CLRN1: variants seen among roughly 807,000 people sequenced by gnomAD.
The protein encoded by CLRN1 is clarin 1, also known as clarin-1.
A neutral mutation model predicts 18.7 loss-of-function variants in CLRN1; 15 were observed. That is an observed-to-expected ratio of 0.80 (90% CI 0.54 to 1.23). The LOEUF is 1.23. Ranked by LOEUF, CLRN1 falls within the 50% of genes most tolerant of loss-of-function variation. The probability of loss-of-function intolerance (pLI) is 0.00; values close to 1 mark genes in which losing one functional copy is unlikely to be tolerated. For synonymous variants in CLRN1, 104 were observed against 102.9 expected, an observed-to-expected ratio of 1.01 and a Z score of -0.07; for missense variants, 311 against 277.5, an observed-to-expected ratio of 1.12 and a Z score of -0.86.
chr3:150,957,741 C>T (rs999429960), intron 1 of CLRN1, among the ~76,000 whole-genome samples: 1 of 152,176 alleles, frequency 6.6e-6, no homozygotes, highest in Non-Finnish European at 1.5e-5. Context: ...TCACTGCAAC[C>T]TCTGCCTCCC....
chr3:150,954,134 C>T (rs574847852), intron 1 of CLRN1, among the ~76,000 whole-genome samples: 2 of 152,306 alleles, frequency 1.3e-5, no homozygotes, highest in African/African-American at 4.8e-5. Flanking sequence ...TTCCCCACCC[C>T]TACCAGGAAG....
intron 1 of CLRN1, among the ~76,000 whole-genome samples, chr3:150,966,949 G>A (rs1193254922): frequency 6.6e-6 from 1 of 152,188 alleles, no homozygotes; most frequent in Non-Finnish European, 1.5e-5. Flanking sequence ...TTTAAACGGT[G>A]AGAGATGTCA....
At chr3:150,972,403 C>T (rs1287700761) in intron 1 of CLRN1, 53 bp downstream of exon 1, 4 of 1,613,198 alleles carry the variant, frequency 2.5e-6, no homozygotes, top group Non-Finnish European at 3.4e-6. Flanking sequence ...CCTCGCAACA[C>T]TGGGAAGAGT....
chr3:150,947,088 C>T (rs563998634), intron 1 of CLRN1, among the ~76,000 whole-genome samples: 24 of 151,934 alleles, frequency 1.6e-4, no homozygotes, highest in South Asian at 8.3e-4. Flanking sequence ...GTTGTGGTTG[C>T]GCTTTTAAAA....
chr3:150,969,755 A>G (rs927830907), intron 1 of CLRN1, among the ~76,000 whole-genome samples: 2 of 152,144 alleles, frequency 1.3e-5, no homozygotes, highest in South Asian at 2.1e-4. Context: ...GACAACACAA[A>G]GAAAACTTGC....
At chr3:150,940,367 G>T in intron 2 of CLRN1, 1 of 886,428 alleles carries the variant, frequency 1.1e-6, no homozygotes, top group Non-Finnish European at 1.6e-6. Flanking sequence ...TACACTGCAA[G>T]TGACCTCCTG....
intron 2 of CLRN1, among the ~76,000 whole-genome samples, chr3:150,930,669 G>C (rs1367055520): frequency 6.6e-6 from 1 of 152,074 alleles, no homozygotes; most frequent in Non-Finnish European, 1.5e-5. Flanking sequence ...TTCGAAAATT[G>C]TGGAGAAAAT....
Position 150,928,646 on chromosome 3 carries a change from A to G in CLRN1, c.434-445T>C, listed in dbSNP as rs373859346. On this transcript the variant is annotated intron_variant, in intron 2 of 2. Transcript: ENST00000327047. ...CATGCAGGATAAATGTCAATCATGC[A>G]GCCTCTTGTGAAAGGCCCCAGCCTC... Among the ~76,000 whole-genome samples the G allele has an allele frequency of 1.3e-4, 20 of 152,370 alleles. No homozygotes were observed. The East Asian group carries it at 2.9e-3, about 22-fold the overall frequency.
At position 150,927,750 on chromosome 3, in the gene CLRN1, T is replaced by C; in HGVS notation, c.*186A>G. 1.2e-6 allele frequency: 1 copy of C among 851,098 alleles called. No homozygotes were observed. The highest frequency in any genetic ancestry group is 1.9e-6 in the Non-Finnish European group (1 of 525,050). 52.7% of individuals were successfully genotyped at this position (851,098 alleles called of 1,614,324 possible). On this transcript the variant is annotated 3_prime_UTR_variant, in exon 3 of 3. Coordinates refer to ENST00000327047, the MANE Select transcript of CLRN1 (RefSeq NM_174878.3). ...AATTTCCCACCAGATAAAACAACTT[T>C]TCAAAGCCTTCCTTCTGCTTCCCTT...
intron 1 of CLRN1, chr3:150,943,670 G>A (rs1052982942): frequency 8.0e-7 from 1 of 1,251,064 alleles, no homozygotes; most frequent in Non-Finnish European, 1.1e-6. Context: ...TGTCACCCTG[G>A]CCCTTTGCCC....
chr3:150,927,825 G>T lies in CLRN1; in HGVS notation c.*111C>A. On this transcript the variant is annotated 3_prime_UTR_variant, in exon 3 of 3. Transcript: ENST00000327047. ...CGTAATTTGTAAACATTGTCACGAA[G>T]GGTCCTGATGCTTTAATATATGCAG... 7.9e-7 allele frequency: 1 copy of T among 1,271,008 alleles called. No homozygotes were observed. Among genetic ancestry groups the T allele is most frequent in the Non-Finnish European group, 1.1e-6 (1 of 874,266 alleles). 78.7% of individuals were successfully genotyped at this position (1,271,008 alleles called of 1,614,324 possible).
Position 150,927,236 on chromosome 3 carries a change from CA to C in CLRN1, c.*699del, listed in dbSNP as rs1251064552. ...TTTAGAGTTTGCAGATTTTGACCAA[CA>C]GACATGGTTAATAAGACTATGCTTT... On this transcript the variant is annotated 3_prime_UTR_variant, in exon 3 of 3. Coordinates refer to ENST00000327047, the MANE Select transcript of CLRN1 (RefSeq NM_174878.3). 5 of 485,202 alleles carry C rather than the reference CA, an allele frequency of 1.0e-5. No homozygotes were observed. Among genetic ancestry groups the C allele is most frequent in the African/African-American group, 1.9e-5 (1 of 51,372 alleles). 30.1% of individuals were successfully genotyped at this position (485,202 alleles called of 1,614,324 possible). A position where few individuals can be genotyped will look rare whatever the true frequency, so the allele number is the denominator to read the frequency against.
chr3:150,932,871 A>G (rs953760007), intron 2 of CLRN1, among the ~76,000 whole-genome samples: 5 of 152,208 alleles, frequency 3.3e-5, no homozygotes, highest in African/African-American at 1.2e-4. Flanking sequence ...ATGGCAAGCA[A>G]TTTGGTCATG....
intron 2 of CLRN1, among the ~76,000 whole-genome samples, chr3:150,936,374 C>T (rs977133712): frequency 4.0e-4 from 61 of 152,080 alleles, no homozygotes; most frequent in African/African-American, 1.5e-3. Flanking sequence ...TTGGCATCTC[C>T]ACTTGGTGGT....
At chr3:150,971,817 C>A (rs1715550954) in intron 1 of CLRN1, among the ~76,000 whole-genome samples, 1 of 152,140 alleles carries the variant, frequency 6.6e-6, no homozygotes, top group Admixed American at 6.5e-5. Context: ...AAAATCACAA[C>A]AAGAAAATCT....
chr3:150,960,965 T>C (rs1714997334), intron 1 of CLRN1, among the ~76,000 whole-genome samples: 1 of 152,214 alleles, frequency 6.6e-6, no homozygotes, highest in Admixed American at 6.5e-5. Context: ...TGGGCAGATT[T>C]GGAAACAGGG....
intron 1 of CLRN1, among the ~76,000 whole-genome samples, chr3:150,967,533 T>A (rs1715321541): frequency 6.6e-6 from 1 of 152,106 alleles, no homozygotes; most frequent in Non-Finnish European, 1.5e-5. Context: ...AGCTTCTTCC[T>A]CTCCTCCCCT....
At chr3:150,934,813 C>CTCTCTT (rs914176785) in intron 2 of CLRN1, among the ~76,000 whole-genome samples, 2 of 151,978 alleles carry the variant, frequency 1.3e-5, no homozygotes, top group Admixed American at 6.6e-5. Flanking sequence ...AGTTCTCTCT[C>CTCTCTT]TCTCTTTCTC....
intron 2 of CLRN1, among the ~76,000 whole-genome samples, chr3:150,934,401 C>T (rs187277124): frequency 1.5e-4 from 23 of 152,212 alleles, no homozygotes; most frequent in South Asian, 6.2e-4. Flanking sequence ...TAACTCATGA[C>T]GCTATGTGTA....
Sources: gnomAD v4.1 joint callset for allele counts (sites outside exome capture counted in the v4.1 genomes callset) on GRCh38, gnomAD v4.1.1 for gene constraint, MANE v1.5 for transcripts, NCBI Gene and HGNC (gene_info 2026-07-23, HGNC 2026-07-21) for gene names.